The following NOX1 variants were observed in gnomAD, a reference collection of about 807,000 sequenced individuals.
NOX1 encodes the protein NADPH oxidase 1, also known as NADH/NADPH mitogenic oxidase subunit P65-MOX.
NOX1 carries 34 observed loss-of-function variants against 42.5 expected under a neutral mutation model. That is an observed-to-expected ratio of 0.80 (90% CI 0.61 to 1.07). The LOEUF (loss-of-function observed/expected upper bound fraction) is 1.07, where lower values mean the gene tolerates loss of function less well. Ranked by LOEUF, NOX1 falls within the 50% of genes least tolerant of loss-of-function variation. The probability of loss-of-function intolerance (pLI) is 0.00; values close to 1 mark genes in which losing one functional copy is unlikely to be tolerated. For missense variants in NOX1, 408 were observed against 427.0 expected (o/e 0.96, Z 0.39); for synonymous variants, 143 against 152.5 (o/e 0.94, Z 0.46).
At chrX:100,844,711 G>A (rs2085060528) in intron 12 of NOX1, among the ~76,000 whole-genome samples, 1 of 112,290 alleles carries the variant, frequency 8.9e-6, no homozygotes, top group Non-Finnish European at 1.9e-5. Flanking sequence ...GGGATTACAG[G>A]CGTGAGCCAC....
At chrX:100,847,079 C>T (rs1280051507) in intron 12 of NOX1, among the ~76,000 whole-genome samples, 1 of 112,045 alleles carries the variant, frequency 8.9e-6, no homozygotes, top group African/African-American at 3.2e-5. Flanking sequence ...ATCCCAGCTA[C>T]TCGGGAGGCT....
chrX:100,850,021 A>G, intron 9 of NOX1, 87 bp from the exon 10 acceptor site: 3 of 1,004,443 alleles, frequency 3.0e-6, no homozygotes, highest in East Asian at 3.1e-5. Flanking sequence ...AGTTGTTCTC[A>G]TGGCTGACTT....
intron 7 of NOX1, chrX:100,855,989 A>G (rs2085164207): frequency 2.7e-6 from 3 of 1,114,880 alleles, no homozygotes; most frequent in South Asian, 1.8e-5. Flanking sequence ...AATCACTTCC[A>G]TTTTTCCAAA....
Position 100,849,383 on chromosome X carries a change from C to T in NOX1, c.1340G>A (p.Trp447Ter). 1 of 1,210,421 alleles carries T rather than the reference C, an allele frequency of 8.3e-7. No individual in the cohort carries two copies. The highest frequency in any genetic ancestry group is 1.8e-5 in the South Asian group (1 of 56,838). The change falls in exon 11 of 13, where the codon TGG becomes TAG. Residue 447 changes from tryptophan (W) to a stop codon, truncating the protein, a stop_gained. Transcript: ENST00000372966. LOFTEE classifies it high-confidence loss of function. Reference protein sequence around the residue: ...WICRETGAFSWFNNLLTSLEQ... With the variant: ...WICRETGAFS Reference sequence around the variant, plus strand: ...CAGGGAAGTCAACAGGTTGTTGAACCAGGAAAAGGCACCTGTCTCCCTGCA... The same window carrying T: ...CAGGGAAGTCAACAGGTTGTTGAACTAGGAAAAGGCACCTGTCTCCCTGCA...
chrX:100,856,112 A>T, intron 7 of NOX1: 1 of 1,003,417 alleles, frequency 1.0e-6, no homozygotes, highest in South Asian at 1.9e-5. Context: ...TTCTCTTGAG[A>T]CAGTTCTCTT....
intron 7 of NOX1, chrX:100,855,561 C>T: frequency 1.2e-6 from 1 of 821,468 alleles, no homozygotes; most frequent in African/African-American, 2.0e-5. Context: ...GCCACTCCTG[C>T]CATAGCCACT....
In NOX1 at chrX:100,874,165, C is replaced by T. The variant is rs768732345; in HGVS notation, c.-26G>A. ...TGTCAAGAGGTGGTTTGGAGCCCTT[C>T]TAGGCAACAGGGAAGATTCAGCAAT... On this transcript the variant is annotated 5_prime_UTR_variant, in exon 1 of 13. Coordinates refer to ENST00000372966, the MANE Select transcript of NOX1 (RefSeq NM_007052.5). 8.8e-7 allele frequency: 1 copy of T among 1,132,757 alleles called. No individual in the cohort carries two copies. The highest frequency in any genetic ancestry group is 1.8e-5 in the African/African-American group (1 of 55,584). 93.4% of individuals were successfully genotyped at this position (1,132,757 alleles called of 1,213,427 possible).
At chrX:100,853,911 G>A (rs1569445935) in intron 7 of NOX1, among the ~76,000 whole-genome samples, 1 of 112,163 alleles carries the variant, frequency 8.9e-6, no homozygotes, top group African/African-American at 3.2e-5. Context: ...GGGAAGCCAA[G>A]GCAGGTGGAT....
At position 100,860,805 on chromosome X, in the gene NOX1, A is replaced by T. The variant is rs1245927441; in HGVS notation, c.804+1366T>A. On this transcript the variant is annotated intron_variant, in intron 7 of 12. Coordinates refer to ENST00000372966, the MANE Select transcript of NOX1 (RefSeq NM_007052.5). The stretch of plus-strand genomic sequence containing the variant: ...TTGACACAGGATCTCACTGTCACCC[A>T]GGCTGGAGTGCAGTGGCATGATTAC... 3.6e-5 allele frequency among the ~76,000 whole-genome samples: 4 copies of T among 111,772 alleles called. No homozygotes were observed. In the East Asian group the frequency reaches 1.1e-3, roughly 31 times the overall value.
At chrX:100,856,270 C>A in intron 7 of NOX1, 1 of 893,870 alleles carries the variant, frequency 1.1e-6, no homozygotes. Context: ...TGAGCATTCC[C>A]CATCACTCAT....
At chrX:100,871,933 T>C (rs1255193523) in intron 1 of NOX1, among the ~76,000 whole-genome samples, 1 of 112,188 alleles carries the variant, frequency 8.9e-6, no homozygotes, top group African/African-American at 3.2e-5. Flanking sequence ...CTCTATAATC[T>C]CAGACAGACA....
intron 4 of NOX1, 152 bp from the exon 5 acceptor site, chrX:100,862,972 T>G (rs988767626): frequency 3.2e-6 from 2 of 623,702 alleles, no homozygotes; most frequent in African/African-American, 4.5e-5. Flanking sequence ...TGCGGAGAGA[T>G]CTTTTTTATA....
intron 1 of NOX1, among the ~76,000 whole-genome samples, chrX:100,871,498 A>G (rs1167363008): frequency 8.9e-6 from 1 of 112,570 alleles, no homozygotes; most frequent in Non-Finnish European, 1.9e-5. Flanking sequence ...TGCCTTTTTA[A>G]TTACACCCTG....
chrX:100,870,909 T>G, intron 1 of NOX1, 95 bp from the exon 2 acceptor site: 3 of 547,860 alleles, frequency 5.5e-6, no homozygotes, highest in Non-Finnish European at 8.9e-6. Flanking sequence ...TGTCGCCGTT[T>G]TGGCTATTTT....
At chrX:100,869,274 T>C (rs1292454413) in intron 2 of NOX1, among the ~76,000 whole-genome samples, 2 of 111,731 alleles carry the variant, frequency 1.8e-5, no homozygotes, top group Admixed American at 9.5e-5. Context: ...TTCACGATAT[T>C]GATTCTTCCT....
chrX:100,844,184 G>A (rs1569442986), intron 12 of NOX1, 106 bp from the exon 13 acceptor site: 6 of 758,608 alleles, frequency 7.9e-6, no homozygotes, highest in South Asian at 6.5e-5. Flanking sequence ...ATAAAAATTC[G>A]GTTGTTTACT....
rs1172288377 is a variant in NOX1 at position 100,843,422 on chromosome X, T to C, written c.*530A>G. On this transcript the variant is annotated 3_prime_UTR_variant, in exon 13 of 13. Coordinates refer to ENST00000372966, the MANE Select transcript of NOX1 (RefSeq NM_007052.5). ...ACCATATCAAAAGTGACAGTAAACA[T>C]GTACACTGTTGGTGTTATATGGGGA... The C allele has an allele frequency of 1.9e-5, 22 of 1,140,970 alleles. No individual in the cohort carries two copies. The highest frequency in any genetic ancestry group is 2.5e-5 in the Non-Finnish European group (22 of 863,695). The allele number at this position is 1,140,970 out of a possible 1,213,427, so 94.0% of individuals were successfully genotyped here.
At chrX:100,859,859 G>T (rs1332023799) in intron 7 of NOX1, among the ~76,000 whole-genome samples, 3 of 106,455 alleles carry the variant, frequency 2.8e-5, no homozygotes, top group Non-Finnish European at 5.8e-5. Context: ...TATTAGTGTA[G>T]CTAGTGGTCT....
intron 1 of NOX1, among the ~76,000 whole-genome samples, chrX:100,872,337 C>G (rs1428790636): frequency 1.8e-5 from 2 of 111,438 alleles, no homozygotes; most frequent in Non-Finnish European, 3.8e-5. Flanking sequence ...CTGTGTCAGC[C>G]CATCATCAAT....
Sources: allele counts gnomAD v4.1 joint callset (sites outside exome capture counted in the v4.1 genomes callset), GRCh38; gene constraint gnomAD v4.1.1; transcripts MANE v1.5; gene names NCBI Gene and HGNC (gene_info 2026-07-23, HGNC 2026-07-21).